The following GPR55 variants were observed in gnomAD, a reference collection of about 807,000 sequenced individuals.
The protein encoded by GPR55 is G protein-coupled receptor 55, also known as G-protein coupled receptor 55.
Under a neutral mutation model 7.9 loss-of-function variants are expected in GPR55, and 6 were observed. That is an observed-to-expected ratio of 0.76 (90% CI 0.41 to 1.49). The LOEUF (loss-of-function observed/expected upper bound fraction) is 1.49. Ranked by LOEUF, GPR55 falls within the 40% of genes most tolerant of loss-of-function variation. The probability of loss-of-function intolerance (pLI) is 0.01; values close to 1 mark genes in which losing one functional copy is unlikely to be tolerated. For missense variants in GPR55, 376 were observed against 406.0 expected (o/e 0.93, Z 0.63); for synonymous variants, 183 against 166.8 (o/e 1.10, Z -0.75).
intron 1 of GPR55, among the ~76,000 whole-genome samples, chr2:230,953,736 C>T (rs1287681679): frequency 3.3e-5 from 5 of 152,238 alleles, no homozygotes; most frequent in Non-Finnish European, 4.4e-5. Context: ...CTGTGTCCCT[C>T]AGCTGATTAT....
At chr2:230,955,778 C>T (rs1574638173) in intron 1 of GPR55, among the ~76,000 whole-genome samples, 1 of 150,936 alleles carries the variant, frequency 6.6e-6, no homozygotes, top group Admixed American at 6.6e-5. Flanking sequence ...TGGAGTGTGC[C>T]TGCAGTGGTG....
At chr2:230,936,613 T>A (rs757558548) in intron 1 of GPR55, among the ~76,000 whole-genome samples, 1 of 152,210 alleles carries the variant, frequency 6.6e-6, no homozygotes, top group African/African-American at 2.4e-5. Flanking sequence ...AATGGACTGA[T>A]ACGAACATCC....
chr2:230,949,013 G>A (rs1164207012), intron 1 of GPR55, among the ~76,000 whole-genome samples: 1 of 152,208 alleles, frequency 6.6e-6, no homozygotes, highest in Non-Finnish European at 1.5e-5. Context: ...AGGCTGCAGT[G>A]AGCTGGGATG....
At chr2:230,911,229 A>G in intron 1 of GPR55, 133 bp from the exon 2 acceptor site, 1 of 459,480 alleles carries the variant, frequency 2.2e-6, no homozygotes, top group East Asian at 3.6e-5. Context: ...TTTGACAAAT[A>G]TAGAACCTGC....
At chr2:230,928,129 G>T (rs548460268), upstream of GPR55, among the ~76,000 whole-genome samples, 1 of 152,328 alleles carries the variant, frequency 6.6e-6, no homozygotes, top group East Asian at 1.9e-4. Context: ...AATGGCAGGA[G>T]CCGAGGCTGG....
Position 230,910,959 on chromosome 2 carries a change from T to C in GPR55, c.4A>G (p.Ser2Gly). The C allele has an allele frequency of 6.3e-7, 1 of 1,591,978 alleles. No individual in the cohort carries two copies. The highest frequency in any genetic ancestry group is 8.6e-7 in the Non-Finnish European group (1 of 1,165,062). Residue 2 changes from serine (S) to glycine (G), a missense_variant, in exon 2 of 2, where the codon AGT (serine) becomes GGT (glycine). Ser to Gly is a moderately conservative substitution (Grantham distance 56). Coordinates refer to ENST00000650999, the MANE Select transcript of GPR55 (RefSeq NM_005683.4). The surrounding 1 kb of genome is among the most constrained non-coding windows in gnomAD (Gnocchi z 5.4). Reference sequence around the variant, plus strand: ...CAGTCCCCACTGGTGTTTTGCTGACTCATGTTTCTTCCTACAACACCAACA... The same window carrying C: ...CAGTCCCCACTGGTGTTTTGCTGACCCATGTTTCTTCCTACAACACCAACA... MSQQNTSGDCLF... is the reference protein window; with the variant it reads MGQQNTSGDCLF...
intron 1 of GPR55, among the ~76,000 whole-genome samples, chr2:230,948,408 TG>T (rs1245049526): frequency 3.3e-5 from 5 of 152,192 alleles, no homozygotes; most frequent in Non-Finnish European, 5.9e-5. Context: ...TCCTGATTTT[TG>T]TTTTCACTAA....
chr2:230,922,845 G>A (rs1283546918), intron 1 of GPR55, among the ~76,000 whole-genome samples: 3 of 151,910 alleles, frequency 2.0e-5, no homozygotes, highest in Non-Finnish European at 4.4e-5. Flanking sequence ...CTGGGATTAC[G>A]GGTGTGAGCC....
At chr2:230,960,153 C>T (rs1027274836) in intron 1 of GPR55, among the ~76,000 whole-genome samples, 11 of 152,216 alleles carry the variant, frequency 7.2e-5, no homozygotes, top group African/African-American at 2.7e-4. Context: ...GAGCCTTAAT[C>T]ACAAACTGGC....
At chr2:230,932,036 C>G (rs1009676292) in intron 1 of GPR55, among the ~76,000 whole-genome samples, 3 of 152,172 alleles carry the variant, frequency 2.0e-5, no homozygotes, top group Non-Finnish European at 4.4e-5. Context: ...CTCACCATCC[C>G]CAGACAGCCT....
chr2:230,953,176 C>G (rs1356096056), intron 1 of GPR55, among the ~76,000 whole-genome samples: 1 of 152,040 alleles, frequency 6.6e-6, no homozygotes, highest in Non-Finnish European at 1.5e-5. Flanking sequence ...GATCCTGGAG[C>G]ATTGTTAGGG....
At chr2:230,960,014 A>G (rs1237227409) in intron 1 of GPR55, among the ~76,000 whole-genome samples, 2 of 152,248 alleles carry the variant, frequency 1.3e-5, no homozygotes, top group African/African-American at 4.8e-5. Context: ...CCTGGATCAT[A>G]GAGTAGACCC....
chr2:230,951,430 G>A lies in GPR55; in HGVS notation c.-135+9345C>T, dbSNP rs564581559. On this transcript the variant is annotated intron_variant, in intron 1 of 1. Transcript: ENST00000392039. ...ATGCATATTTTTAAAATATACACAC[G>A]TAATCAAAGAACTAAAAATGAAAAT... Among the ~76,000 whole-genome samples, 81 of 152,244 alleles carry A rather than the reference G, an allele frequency of 5.3e-4. 1 individual carries two copies. In the Middle Eastern group the frequency reaches 0.01, roughly 19 times the overall value.
chr2:230,910,510 G>T lies in GPR55; in HGVS notation c.453C>A (p.Thr151=). Residue 151 remains threonine, a synonymous_variant, in exon 2 of 2, where the codon ACC becomes ACA. Transcript: ENST00000650999. This position sits in a 1 kb window ranked among gnomAD's most constrained non-coding sequence, Gnocchi z 5.4. ...GGAAACTGTAGATAGGGATGCTTCC[G>T]GTCCACACCAGGACCCAGATGGTGC... ...ICCTIWVLVW[T]GSIPIYSFHG... is the part of the protein sequence containing the mutation. 6.2e-7 allele frequency: 1 copy of T among 1,614,140 alleles called. No individual in the cohort carries two copies. The highest frequency in any genetic ancestry group is 8.5e-7 in the Non-Finnish European group (1 of 1,180,004).
At chr2:230,945,823 C>CG (rs1553543664) in intron 1 of GPR55, among the ~76,000 whole-genome samples, 1 of 152,150 alleles carries the variant, frequency 6.6e-6, no homozygotes, top group African/African-American at 2.4e-5. Context: ...CCGTCCGCCT[C>CG]GCCTCCCAAA....
chr2:230,953,200 G>A (rs1390984065), intron 1 of GPR55, among the ~76,000 whole-genome samples: 2 of 152,138 alleles, frequency 1.3e-5, no homozygotes, highest in East Asian at 1.9e-4. Context: ...TCTGAGGTGG[G>A]CAGAATAATC....
At chr2:230,943,769 G>A (rs1048845723) in intron 1 of GPR55, among the ~76,000 whole-genome samples, 5 of 152,140 alleles carry the variant, frequency 3.3e-5, no homozygotes, top group African/African-American at 1.2e-4. Context: ...CTGTTTGAAA[G>A]TGTGCGGCAC....
intron 1 of GPR55, among the ~76,000 whole-genome samples, chr2:230,949,367 T>C (rs1457686681): frequency 2.0e-5 from 3 of 152,238 alleles, no homozygotes; most frequent in African/African-American, 4.8e-5. Flanking sequence ...TTTCACCATG[T>C]TGACCAGGCT....
chr2:230,951,837 C>A (rs1313734060), intron 1 of GPR55, among the ~76,000 whole-genome samples: 1 of 151,334 alleles, frequency 6.6e-6, no homozygotes, highest in Non-Finnish European at 1.5e-5. Context: ...TGGCTCACTG[C>A]AACCTTAACA....
Sources: allele counts gnomAD v4.1 joint callset (sites outside exome capture counted in the v4.1 genomes callset), GRCh38; gene constraint gnomAD v4.1.1; non-coding constraint Gnocchi (gnomAD v3.1); transcripts MANE v1.5; gene names NCBI Gene and HGNC (gene_info 2026-07-23, HGNC 2026-07-21).